Variants in LITAF observed in about 807,000 individuals in gnomAD.
The protein encoded by LITAF is lipopolysaccharide induced TNF factor.
Under a neutral mutation model 14.5 loss-of-function variants are expected in LITAF, and 9 were observed. The observed-to-expected ratio is 0.62, with a 90% confidence interval of 0.37 to 1.08. LITAF has a LOEUF of 1.08. LITAF is among the 50% of genes least tolerant of loss of function. LITAF has a pLI of 0.01. For synonymous variants in LITAF, 98 were observed against 88.2 expected, an observed-to-expected ratio of 1.11 and a Z score of -0.62; for missense variants, 206 against 213.4, an observed-to-expected ratio of 0.97 and a Z score of 0.22.
intron 3 of LITAF, chr16:11,633,505 T>C (rs984453909): frequency 3.9e-5 from 6 of 152,136 alleles, no homozygotes; most frequent in African/African-American, 1.2e-4. Context: ...TAAAATAGGT[T>C]GCAGTAAAGA....
chr16:11,603,012 G>A (rs987083544), upstream of LITAF, among the ~76,000 whole-genome samples: 1 of 152,226 alleles, frequency 6.6e-6, no homozygotes, highest in Middle Eastern at 3.4e-3. Context: ...TACTCGGGAG[G>A]CTGAGGTGAG....
upstream of LITAF, among the ~76,000 whole-genome samples, chr16:11,601,843 A>AG (rs1485177128): frequency 6.6e-6 from 1 of 152,118 alleles, no homozygotes; most frequent in African/African-American, 2.4e-5. Context: ...TACAGATGTG[A>AG]GCCACCCTGC....
chr16:11,612,876 C>A lies in LITAF; in HGVS notation c.85+20657G>T, dbSNP rs1597371303. On this transcript the variant is annotated intron_variant, in intron 3 of 3. Transcript: ENST00000574848. ...CACCATCTCAGGGACTCCCATGGCT[C>A]CTGAAGACTTGTGGGAACCCTGTGT... 3.9e-5 allele frequency among the ~76,000 whole-genome samples: 6 copies of A among 152,298 alleles called. 1 individual carries two copies. Among genetic ancestry groups the A allele is most frequent in the African/African-American group, 1.4e-4 (6 of 41,564 alleles).
chr16:11,604,765 C>CTT (rs56271737), intron 3 of LITAF, among the ~76,000 whole-genome samples: 3,008 of 142,498 alleles, frequency 0.021, 109 homozygotes, highest in African/African-American at 0.073. Flanking sequence ...CTTTTCTTTT[C>CTT]TTTTTTTTTT....
At chr16:11,575,637 T>C (rs2064620012) in intron 1 of LITAF, 1 of 152,012 alleles carries the variant, frequency 6.6e-6, no homozygotes, top group African/African-American at 2.4e-5. Context: ...AAACCGAGAA[T>C]ACCAAGAGAA....
chr16:11,570,018 A>G (rs1597346158), intron 1 of LITAF, among the ~76,000 whole-genome samples: 3 of 143,810 alleles, frequency 2.1e-5, no homozygotes, highest in African/African-American at 7.9e-5. Flanking sequence ...CCACAGAGCG[A>G]GACTTTGCCT....
chr16:11,573,396 T>C (rs182063413), intron 1 of LITAF, among the ~76,000 whole-genome samples: 2 of 152,184 alleles, frequency 1.3e-5, no homozygotes, highest in Admixed American at 6.6e-5. Flanking sequence ...AAATTTAACA[T>C]GAACAAGTCC....
rs780496793 is a variant in LITAF, at chr16:11,549,826, C to T, written c.378-81G>A. The T allele has an allele frequency of 1.1e-5, 12 of 1,099,854 alleles. No homozygotes were observed. Among genetic ancestry groups the T allele is most frequent in the East Asian group, 2.6e-5 (1 of 38,986 alleles). The allele number at this position is 1,099,854 out of a possible 1,614,324, so 68.1% of individuals were successfully genotyped here. A position where few individuals can be genotyped will look rare whatever the true frequency, so the allele number is the denominator to read the frequency against. On this transcript the variant is annotated intron_variant, in intron 3 of 3. Coordinates refer to ENST00000622633, the MANE Select transcript of LITAF (RefSeq NM_001136472.2). This position sits in a 1 kb window ranked among gnomAD's most constrained non-coding sequence, Gnocchi z 4.6. ...TGGCTGCCAAAACCATGTTCATGTC[C>T]TTCTTTGTAAAAAGGGTCTTTGCCA...
At position 11,548,068 on chromosome 16, in the gene LITAF, C is replaced by T. The variant is rs1296196255; in HGVS notation, c.*1569G>A. On this transcript the variant is annotated 3_prime_UTR_variant, in exon 4 of 4. Transcript: ENST00000622633. ...CAAAGTACTATGTGGTATCCATATTCGTTGCAAAAATGATAATTACTGGAA... is the reference window on the plus strand; with the variant it reads ...CAAAGTACTATGTGGTATCCATATTTGTTGCAAAAATGATAATTACTGGAA... 4 of 454,038 alleles carry T rather than the reference C, an allele frequency of 8.8e-6. No homozygotes were observed. The highest frequency in any genetic ancestry group is 6.9e-5 in the East Asian group (1 of 14,400). The allele number at this position is 454,038 out of a possible 1,614,324, so 28.1% of individuals were successfully genotyped here.
At chr16:11,629,905 G>C (rs188831275) in intron 3 of LITAF, among the ~76,000 whole-genome samples, 89 of 152,308 alleles carry the variant, frequency 5.8e-4, no homozygotes, top group African/African-American at 2.1e-3. Flanking sequence ...ACAAATCATG[G>C]CTCTGCAAAC....
chr16:11,635,034 AAAAATAAAATAAAATAAAATAAAAT>A (rs55724396), intron 2 of LITAF, among the ~76,000 whole-genome samples: 58,122 of 141,986 alleles, frequency 0.41, 13,879 homozygotes, highest in African/African-American at 0.68. Context: ...ACTCCATCTC[AAAAATAAAATAAAATAAAATAAAAT>A]AAAATAAAAT....
intron 3 of LITAF, among the ~76,000 whole-genome samples, chr16:11,620,429 T>C (rs949461258): frequency 2.0e-5 from 3 of 152,082 alleles, no homozygotes; most frequent in Non-Finnish European, 4.4e-5. Flanking sequence ...CCTTCCACCA[T>C]GACTATAAGC....
upstream of LITAF, among the ~76,000 whole-genome samples, chr16:11,599,513 T>G (rs1245428636): frequency 6.6e-6 from 1 of 152,130 alleles, no homozygotes; most frequent in Non-Finnish European, 1.5e-5. Context: ...CTCATGTGTT[T>G]CCAGAATCAC....
chr16:11,597,613 C>G (rs913426760), intron 1 of LITAF, among the ~76,000 whole-genome samples: 1 of 152,198 alleles, frequency 6.6e-6, no homozygotes, highest in African/African-American at 2.4e-5. Flanking sequence ...AGCCCCCATG[C>G]TGTGGAGAGC....
At chr16:11,619,889 C>T (rs562584986) in intron 3 of LITAF, among the ~76,000 whole-genome samples, 3 of 152,012 alleles carry the variant, frequency 2.0e-5, no homozygotes, top group South Asian at 2.1e-4. Context: ...AATCTGCGGA[C>T]GGGTGCAGTG....
chr16:11,626,049 C>T (rs1444966668), intron 3 of LITAF, among the ~76,000 whole-genome samples: 1 of 152,164 alleles, frequency 6.6e-6, no homozygotes, highest in Non-Finnish European at 1.5e-5. Context: ...TAGTAAATTT[C>T]TCAGGAGTTC....
chr16:11,556,530 G>A lies in LITAF; in HGVS notation c.201C>T (p.Pro67=), dbSNP rs774620968. The A allele has an allele frequency of 9.9e-6, 16 of 1,613,832 alleles. No homozygotes were observed. The highest frequency in any genetic ancestry group is 8.3e-5 in the Admixed American group (5 of 60,000). ...ACGTACTTGGATTGTTATTGGGGAT[G>A]GGCGCTGGCTGGGTATAATACGAAG... ...NPPSYYTQPA[P]IPNNNPITVQ... is the part of the protein sequence containing the mutation. The change falls in exon 2 of 4, where the codon CCC becomes CCT. Residue 67 remains proline (P), a synonymous_variant. Coordinates refer to ENST00000622633, the MANE Select transcript of LITAF (RefSeq NM_001136472.2).
At chr16:11,614,492 G>A (rs888762862) in intron 3 of LITAF, among the ~76,000 whole-genome samples, 1 of 151,918 alleles carries the variant, frequency 6.6e-6, no homozygotes, top group Non-Finnish European at 1.5e-5. Context: ...TAGAGATGGG[G>A]TTTCACCATG....
chr16:11,630,570 CTTTTTTTT>C (rs66732953), intron 3 of LITAF, among the ~76,000 whole-genome samples: 1 of 114,240 alleles, frequency 8.8e-6, no homozygotes, highest in African/African-American at 3.6e-5. Context: ...CCCTGGCCAA[CTTTTTTTT>C]TTTTTTTTTT....
Sources: allele counts gnomAD v4.1 joint callset (sites outside exome capture counted in the v4.1 genomes callset), GRCh38; gene constraint gnomAD v4.1.1; non-coding constraint Gnocchi (gnomAD v3.1); transcripts MANE v1.5; gene names NCBI Gene and HGNC (gene_info 2026-07-23, HGNC 2026-07-21).